C8orf34: variants seen among roughly 807,000 people sequenced by gnomAD.
C8orf34 encodes the protein chromosome 8 open reading frame 34.
Under a neutral mutation model 68.3 loss-of-function variants are expected in C8orf34, and 65 were observed. That is an observed-to-expected ratio of 0.95 (90% CI 0.78 to 1.17). C8orf34 has a LOEUF of 1.17. C8orf34 is among the 50% of genes most tolerant of loss of function. The pLI is 0.00. For missense variants in C8orf34, 664 were observed against 655.4 expected (o/e 1.01, Z -0.14); for synonymous variants, 244 against 241.2 (o/e 1.01, Z -0.11).
At chr8:68,599,251 T>C (rs1446613803) in intron 7 of C8orf34, among the ~76,000 whole-genome samples, 2 of 152,056 alleles carry the variant, frequency 1.3e-5, no homozygotes, top group African/African-American at 4.8e-5. Context: ...ATAATATATA[T>C]CATGCTTATG....
intron 7 of C8orf34, among the ~76,000 whole-genome samples, chr8:68,577,651 C>A (rs1380066453): frequency 6.6e-6 from 1 of 151,172 alleles, no homozygotes; most frequent in African/African-American, 2.4e-5. Context: ...TTTGCAATTT[C>A]AAAAAATTAA....
At chr8:68,436,442 C>T (rs1159837265) in intron 1 of C8orf34, among the ~76,000 whole-genome samples, 2 of 152,126 alleles carry the variant, frequency 1.3e-5, no homozygotes, top group African/African-American at 4.8e-5. Flanking sequence ...AAATTAACAC[C>T]TACATTTTAT....
intron 5 of C8orf34, among the ~76,000 whole-genome samples, chr8:68,516,960 C>T (rs1814545486): frequency 1.3e-5 from 2 of 152,084 alleles, no homozygotes; most frequent in South Asian, 2.1e-4. Context: ...ATTAAAGTTA[C>T]GCTGACTTGC....
chr8:68,691,756 G>T (rs999557951), intron 8 of C8orf34, among the ~76,000 whole-genome samples: 1 of 151,970 alleles, frequency 6.6e-6, no homozygotes, highest in African/African-American at 2.4e-5. Context: ...ATATTTACTT[G>T]AAAGATAAAG....
chr8:68,631,636 T>C (rs974405593), intron 7 of C8orf34, among the ~76,000 whole-genome samples: 1 of 152,164 alleles, frequency 6.6e-6, no homozygotes, highest in African/African-American at 2.4e-5. Context: ...CCAAATCTCA[T>C]CTTGAATTGT....
intron 1 of C8orf34, among the ~76,000 whole-genome samples, chr8:68,378,840 G>A (rs1807915156): frequency 6.6e-6 from 1 of 152,056 alleles, no homozygotes; most frequent in Admixed American, 6.6e-5. Context: ...TGATAGAAGG[G>A]TTGAATGCCT....
intron 7 of C8orf34, among the ~76,000 whole-genome samples, chr8:68,576,914 C>T (rs571354067): frequency 6.6e-6 from 1 of 152,066 alleles, no homozygotes; most frequent in Non-Finnish European, 1.5e-5. Flanking sequence ...ACATATTTCT[C>T]TTCTTAAAGT....
chr8:68,435,119 ATTC>A (rs997707263), intron 1 of C8orf34, among the ~76,000 whole-genome samples: 3 of 149,856 alleles, frequency 2.0e-5, no homozygotes, highest in African/African-American at 7.3e-5. Context: ...AATATGTATT[ATTC>A]ATATATAATA....
intron 7 of C8orf34, among the ~76,000 whole-genome samples, chr8:68,608,823 G>A (rs1156648682): frequency 6.6e-6 from 1 of 152,076 alleles, no homozygotes; most frequent in Non-Finnish European, 1.5e-5. Context: ...AAGGATGAAT[G>A]TTTCAACCCA....
intron 6 of C8orf34, among the ~76,000 whole-genome samples, chr8:68,528,955 G>T (rs190824093): frequency 6.6e-5 from 10 of 152,070 alleles, no homozygotes; most frequent in Non-Finnish European, 8.8e-5. Context: ...CTCATGCTCC[G>T]CCTAGGGCAA....
chr8:68,622,906 A>G (rs964074775), intron 7 of C8orf34, among the ~76,000 whole-genome samples: 1 of 152,198 alleles, frequency 6.6e-6, no homozygotes, highest in African/African-American at 2.4e-5. Flanking sequence ...TTTCCATAAA[A>G]TGTTCGTATA....
intron 10 of C8orf34, among the ~76,000 whole-genome samples, chr8:68,744,092 C>A (rs1441197488): frequency 6.6e-6 from 1 of 152,192 alleles, no homozygotes; most frequent in Admixed American, 6.5e-5. Flanking sequence ...CCCCAAGCAG[C>A]CTAACTGGGA....
intron 8 of C8orf34, among the ~76,000 whole-genome samples, chr8:68,642,697 G>A (rs1397698906): frequency 6.6e-6 from 1 of 152,186 alleles, no homozygotes; most frequent in African/African-American, 2.4e-5. Flanking sequence ...CAGACCATTA[G>A]CACTCCTGTG....
intron 10 of C8orf34, among the ~76,000 whole-genome samples, chr8:68,754,678 C>T (rs936246374): frequency 1.3e-5 from 2 of 152,158 alleles, no homozygotes; most frequent in East Asian, 1.9e-4. Context: ...GACAGAAATA[C>T]GATGACCACT....
chr8:68,396,497 A>C (rs1228333247), intron 1 of C8orf34, among the ~76,000 whole-genome samples: 1 of 151,640 alleles, frequency 6.6e-6, no homozygotes, highest in Non-Finnish European at 1.5e-5. Flanking sequence ...GCAGTCTTAG[A>C]CTGTCACTCT....
chr8:68,437,156 C>G (rs989190476), intron 1 of C8orf34, among the ~76,000 whole-genome samples: 2 of 152,084 alleles, frequency 1.3e-5, no homozygotes, highest in African/African-American at 4.8e-5. Flanking sequence ...CAAATTTATC[C>G]AAAATAGTTA....
intron 12 of C8orf34, among the ~76,000 whole-genome samples, chr8:68,798,690 T>C (rs1342881179): frequency 6.6e-6 from 1 of 152,204 alleles, no homozygotes; most frequent in Non-Finnish European, 1.5e-5. Context: ...TAGAGAATTA[T>C]TTGGATCTGA....
intron 1 of C8orf34, among the ~76,000 whole-genome samples, chr8:68,351,916 A>G (rs1026237361): frequency 3.3e-5 from 5 of 152,004 alleles, no homozygotes; most frequent in African/African-American, 1.2e-4. Flanking sequence ...GTGGAATCTC[A>G]TTGTTTTAAT....
At position 68,458,709 on chromosome 8, in the gene C8orf34, G is replaced by T. The variant is rs562685628; in HGVS notation, c.608-9983G>T. On this transcript the variant is annotated intron_variant, in intron 3 of 13. Coordinates refer to ENST00000518698, the MANE Select transcript of C8orf34 (RefSeq NM_052958.4). ...CTCCATAGGCTTCCCCTGGGGAATG[G>T]TCTGTGAGGTAGCGGTCATGGGCCT... Among the ~76,000 whole-genome samples, 63 of 152,236 alleles carry T rather than the reference G, an allele frequency of 4.1e-4. No homozygotes were observed. In the East Asian group the frequency reaches 0.011, roughly 26 times the overall value.
Sources: allele counts gnomAD v4.1 joint callset (sites outside exome capture counted in the v4.1 genomes callset), GRCh38; gene constraint gnomAD v4.1.1; transcripts MANE v1.5; gene names NCBI Gene and HGNC (gene_info 2026-07-23, HGNC 2026-07-21).